FAM227A: variants seen among roughly 807,000 people sequenced by gnomAD.
The protein encoded by FAM227A is family with sequence similarity 227 member A.
Under a neutral mutation model 74.7 loss-of-function variants are expected in FAM227A, and 80 were observed. The observed-to-expected ratio is 1.07, with a 90% CI of 0.89 to 1.29. The LOEUF (loss-of-function observed/expected upper bound fraction) is 1.29, where lower values mean the gene tolerates loss of function less well. Ranked by LOEUF, FAM227A falls within the 50% of genes most tolerant of loss-of-function variation. The pLI is 0.00. For missense variants in FAM227A, 654 were observed against 683.4 expected, an observed-to-expected ratio of 0.96 and a Z score of 0.48; for synonymous variants, 237 against 241.8, an observed-to-expected ratio of 0.98 and a Z score of 0.19.
rs2090683663 is a variant in FAM227A, at chr22:38,578,912, C to T, written c.*7213G>A. On this transcript the variant is annotated 3_prime_UTR_variant, in exon 17 of 17. Transcript: ENST00000535113. ...GATAGCCAGTACATGCTGCACTTACCATGTGTCAGGCACTGTTCTAAGTGC... is the reference window on the plus strand; with the variant it reads ...GATAGCCAGTACATGCTGCACTTACTATGTGTCAGGCACTGTTCTAAGTGC... 6.6e-6 allele frequency: 1 copy of T among 152,182 alleles called. No individual in the cohort carries two copies. Among genetic ancestry groups the T allele is most frequent in the Admixed American group, 6.6e-5 (1 of 15,258 alleles). 9.4% of individuals were successfully genotyped at this position (152,182 alleles called of 1,614,324 possible).
intron 3 of FAM227A, among the ~76,000 whole-genome samples, chr22:38,641,408 C>T (rs565332268): frequency 3.8e-4 from 58 of 152,030 alleles, no homozygotes; most frequent in African/African-American, 1.1e-3. Flanking sequence ...AAAAATTAGC[C>T]GGGCGTGGTG....
At chr22:38,635,747 C>T (rs938882066) in intron 6 of FAM227A, among the ~76,000 whole-genome samples, 1 of 152,168 alleles carries the variant, frequency 6.6e-6, no homozygotes, top group Non-Finnish European at 1.5e-5. Context: ...AATCCCAGCA[C>T]TTTGGGAGGC....
intron 6 of FAM227A, among the ~76,000 whole-genome samples, chr22:38,633,113 G>A (rs1190932189): frequency 1.3e-5 from 2 of 152,246 alleles, no homozygotes; most frequent in African/African-American, 4.8e-5. Context: ...GATGCCAAGA[G>A]TGAGGGGAGG....
At chr22:38,598,050 A>AAAAAAG (rs1490535361) in intron 14 of FAM227A, among the ~76,000 whole-genome samples, 1 of 151,534 alleles carries the variant, frequency 6.6e-6, no homozygotes, top group Non-Finnish European at 1.5e-5. Context: ...CTCAAAAAAA[A>AAAAAAG]AAAAAAAAAA....
At chr22:38,609,723 C>T (rs2091370239) in intron 11 of FAM227A, among the ~76,000 whole-genome samples, 1 of 152,106 alleles carries the variant, frequency 6.6e-6, no homozygotes, top group South Asian at 2.1e-4. Context: ...GCAGGGAAAA[C>T]ACTCCCAGGG....
At position 38,579,181 on chromosome 22, in the gene FAM227A, CAT is replaced by C. The variant is rs1249948431; in HGVS notation, c.*6942_*6943del. On this transcript the variant is annotated 3_prime_UTR_variant, in exon 17 of 17. Transcript: ENST00000535113. ...ACATAGGAGCAGCAACTAAGCCAGA[CAT>C]AGAGCACACTTCAGCCATTCACTAG... 2 of 152,188 alleles carry C rather than the reference CAT, an allele frequency of 1.3e-5. No individual in the cohort carries two copies. The highest frequency in any genetic ancestry group is 2.9e-5 in the Non-Finnish European group (2 of 68,026). The allele number at this position is 152,188 out of a possible 1,614,324, so 9.4% of individuals were successfully genotyped here.
intron 16 of FAM227A, among the ~76,000 whole-genome samples, chr22:38,589,569 G>A (rs546931418): frequency 1.3e-5 from 2 of 152,234 alleles, no homozygotes; most frequent in Admixed American, 6.5e-5. Flanking sequence ...CCTCAGTGAC[G>A]CATATTAAGA....
chr22:38,598,052 A>AAAAAAAAAG (rs1569192822), intron 14 of FAM227A, among the ~76,000 whole-genome samples: 1 of 151,394 alleles, frequency 6.6e-6, no homozygotes, highest in Admixed American at 6.6e-5. Flanking sequence ...CAAAAAAAAA[A>AAAAAAAAAG]AAAAAAAAGA....
intron 1 of FAM227A, among the ~76,000 whole-genome samples, chr22:38,652,895 A>T (rs2085748014): frequency 6.6e-6 from 1 of 151,758 alleles, no homozygotes; most frequent in Non-Finnish European, 1.5e-5. Context: ...AAAAAAAAAA[A>T]AATGCTGACT....
intron 15 of FAM227A, among the ~76,000 whole-genome samples, chr22:38,592,266 A>C (rs1038317502): frequency 6.6e-6 from 1 of 152,092 alleles, no homozygotes; most frequent in Non-Finnish European, 1.5e-5. Context: ...TAAACAACAA[A>C]AAGTGATGTA....
chr22:38,629,660 G>A (rs921304812), intron 6 of FAM227A, among the ~76,000 whole-genome samples: 2 of 152,110 alleles, frequency 1.3e-5, no homozygotes, highest in South Asian at 2.1e-4. Context: ...ACACACAGGT[G>A]CCTCTCCTTT....
intron 6 of FAM227A, among the ~76,000 whole-genome samples, chr22:38,630,757 A>G (rs1460241686): frequency 6.6e-6 from 1 of 152,230 alleles, no homozygotes; most frequent in Non-Finnish European, 1.5e-5. Context: ...TTTCACAGAT[A>G]AAGAGACATT....
chr22:38,582,047 C>T lies in FAM227A; in HGVS notation c.*4078G>A, dbSNP rs1034754557. 8 of 287,348 alleles carry T rather than the reference C, an allele frequency of 2.8e-5. No individual in the cohort carries two copies. The highest frequency in any genetic ancestry group is 4.4e-5 in the African/African-American group (2 of 45,316). 17.8% of individuals were successfully genotyped at this position (287,348 alleles called of 1,614,324 possible). Reference sequence around the variant, plus strand: ...TGTGAGCCACCATGCCTGGCCTGTTCGTTTTTTAACAAAGCTTTATCGAAG... The same window carrying T: ...TGTGAGCCACCATGCCTGGCCTGTTTGTTTTTTAACAAAGCTTTATCGAAG... On this transcript the variant is annotated 3_prime_UTR_variant, in exon 17 of 17. Transcript: ENST00000535113.
At chr22:38,600,418 C>T (rs556407628) in intron 13 of FAM227A, among the ~76,000 whole-genome samples, 3 of 151,830 alleles carry the variant, frequency 2.0e-5, no homozygotes, top group Non-Finnish European at 4.4e-5. Flanking sequence ...ACTGCAACCT[C>T]CATCTCCTAG....
intron 2 of FAM227A, among the ~76,000 whole-genome samples, chr22:38,648,595 A>G (rs1229244605): frequency 6.8e-6 from 1 of 147,192 alleles, no homozygotes; most frequent in Non-Finnish European, 1.5e-5. Context: ...CGACAGAGTG[A>G]GACTCTGTCT....
At chr22:38,639,470 G>T in intron 4 of FAM227A, 185 bp downstream of exon 4, 1 of 658,512 alleles carries the variant, frequency 1.5e-6, no homozygotes, top group Non-Finnish European at 2.7e-6. Context: ...CATGTAGGTG[G>T]TCTCTAAATG....
intron 5 of FAM227A, among the ~76,000 whole-genome samples, chr22:38,637,776 C>T (rs1170476133): frequency 6.6e-6 from 1 of 152,222 alleles, no homozygotes; most frequent in Admixed American, 6.5e-5. Flanking sequence ...TTTGGAATTT[C>T]CTAGGCTAAA....
chr22:38,618,198 G>A (rs1328639417), intron 11 of FAM227A, among the ~76,000 whole-genome samples: 5 of 152,264 alleles, frequency 3.3e-5, no homozygotes, highest in Admixed American at 2.0e-4. Context: ...AACAGCAGAT[G>A]CAGGAAATCT....
Position 38,583,097 on chromosome 22 carries a change from T to C in FAM227A, c.*3028A>G. On this transcript the variant is annotated 3_prime_UTR_variant, in exon 17 of 17. Transcript: ENST00000535113. ...GGGTAGTAAAGGGAAGGTGAGAGAG[T>C]GTTCTGCTTATCTGCCCCACATGGT... The C allele has an allele frequency of 1.2e-6, 1 of 816,066 alleles. No individual in the cohort carries two copies. Among genetic ancestry groups the C allele is most frequent in the Non-Finnish European group, 1.9e-6 (1 of 522,316 alleles). The allele number at this position is 816,066 out of a possible 1,614,324, so 50.6% of individuals were successfully genotyped here.
Sources: allele counts gnomAD v4.1 joint callset (sites outside exome capture counted in the v4.1 genomes callset), GRCh38; gene constraint gnomAD v4.1.1; transcripts MANE v1.5; gene names NCBI Gene and HGNC (gene_info 2026-07-23, HGNC 2026-07-21).